Variants in CCDC102B observed in about 807,000 individuals in gnomAD.
CCDC102B encodes coiled-coil domain-containing protein 102B.
In CCDC102B, 75 loss-of-function variants were observed where a neutral mutation model predicts 57.4. The observed-to-expected ratio is 1.31, with a 90% CI of 1.08 to 1.58. The LOEUF is 1.58. Ranked by LOEUF, CCDC102B falls within the 40% of genes most tolerant of loss-of-function variation. CCDC102B has a pLI of 0.00. For synonymous variants in CCDC102B, 206 were observed against 201.9 expected (o/e 1.02, Z -0.17); for missense variants, 636 against 582.6 (o/e 1.09, Z -0.94).
At chr18:68,981,221 G>A (rs73467648) in intron 6 of CCDC102B, among the ~76,000 whole-genome samples, 10,025 of 152,004 alleles carry the variant, frequency 0.066, 579 homozygotes, top group African/African-American at 0.14. Context: ...GATATTCAAT[G>A]CCAAATATAA....
chr18:69,048,871 AGGAG>A (rs2052629681), intron 7 of CCDC102B, among the ~76,000 whole-genome samples: 1 of 152,056 alleles, frequency 6.6e-6, no homozygotes, highest in South Asian at 2.1e-4. Flanking sequence ...CTTTGTATAG[AGGAG>A]GATTGATATT....
chr18:68,989,016 C>T (rs2050796035), intron 6 of CCDC102B, among the ~76,000 whole-genome samples: 1 of 152,048 alleles, frequency 6.6e-6, no homozygotes, highest in South Asian at 2.1e-4. Context: ...TTTGCTGTTA[C>T]CTCCTCTCAT....
chr18:68,759,877 C>T (rs146813579), intron 2 of CCDC102B, among the ~76,000 whole-genome samples: 47 of 152,146 alleles, frequency 3.1e-4, no homozygotes, highest in African/African-American at 1.0e-3. Context: ...CCCCTCAGCC[C>T]TCACCCCTCT....
At chr18:69,051,063 C>T (rs1487897391) in intron 7 of CCDC102B, among the ~76,000 whole-genome samples, 1 of 151,958 alleles carries the variant, frequency 6.6e-6, no homozygotes, top group Non-Finnish European at 1.5e-5. Context: ...TTTATGTTTT[C>T]TTTAAGAAAT....
chr18:68,996,474 T>C (rs2145342729), intron 6 of CCDC102B, among the ~76,000 whole-genome samples: 1 of 152,320 alleles, frequency 6.6e-6, no homozygotes, highest in East Asian at 1.9e-4. Context: ...CTTGTGATCA[T>C]GTGAGTCAAT....
chr18:68,758,268 G>T (rs2034126009), intron 2 of CCDC102B, among the ~76,000 whole-genome samples: 1 of 150,900 alleles, frequency 6.6e-6, no homozygotes, highest in South Asian at 2.1e-4. Flanking sequence ...TGTATATAGA[G>T]GTATCACATA....
Position 68,755,239 on chromosome 18 carries a change from C to T in CCDC102B, c.-67+38645C>T, listed in dbSNP as rs539199421. Among the ~76,000 whole-genome samples the T allele has an allele frequency of 5.3e-5, 8 of 152,246 alleles. No homozygotes were observed. The East Asian group carries it at 9.7e-4, about 18-fold the overall frequency. On this transcript the variant is annotated intron_variant, in intron 2 of 3. Coordinates refer to the CCDC102B transcript ENST00000578970. ...ATGGGAGGATGTGCTCCCCAGAAAA[C>T]CTCTCCAAGTCTTTATTGTAGTCAC...
chr18:68,874,617 G>T, intron 4 of CCDC102B, 52 bp from the exon 5 acceptor site: 1 of 1,173,602 alleles, frequency 8.5e-7, no homozygotes, highest in Non-Finnish European at 1.3e-6. Flanking sequence ...GGATTATCCT[G>T]TAACCACCCT....
At chr18:68,855,032 T>C (rs1206925875) in intron 4 of CCDC102B, among the ~76,000 whole-genome samples, 1 of 152,228 alleles carries the variant, frequency 6.6e-6, no homozygotes, top group Non-Finnish European at 1.5e-5. Context: ...TTCAAGAATG[T>C]CATATGTGAC....
intron 6 of CCDC102B, among the ~76,000 whole-genome samples, chr18:68,912,996 A>C (rs1473255667): frequency 6.6e-6 from 1 of 152,136 alleles, no homozygotes; most frequent in Non-Finnish European, 1.5e-5. Context: ...GATGTAGCTT[A>C]TTGTACTCTT....
intron 6 of CCDC102B, among the ~76,000 whole-genome samples, chr18:68,999,360 G>C (rs544028152): frequency 1.2e-4 from 19 of 152,004 alleles, no homozygotes; most frequent in African/African-American, 4.1e-4. Flanking sequence ...ACTTTGGGAG[G>C]CTGAGGCGGA....
At chr18:68,977,146 A>G (rs1027795155) in intron 6 of CCDC102B, among the ~76,000 whole-genome samples, 10 of 151,956 alleles carry the variant, frequency 6.6e-5, no homozygotes, top group Non-Finnish European at 1.0e-4. Context: ...AAGAAATGCA[A>G]TTGGGTTGTA....
chr18:69,023,119 G>A (rs1295605901), intron 7 of CCDC102B, among the ~76,000 whole-genome samples: 1 of 152,138 alleles, frequency 6.6e-6, no homozygotes, highest in East Asian at 1.9e-4. Flanking sequence ...TGTGCACAAG[G>A]TATCATATAC....
intron 5 of CCDC102B, among the ~76,000 whole-genome samples, chr18:68,888,954 G>T (rs2039979933): frequency 6.6e-6 from 1 of 151,418 alleles, no homozygotes; most frequent in Non-Finnish European, 1.5e-5. Context: ...TATTATAATT[G>T]GTAGTTGCAA....
At chr18:68,933,100 A>G (rs1380514135) in intron 6 of CCDC102B, among the ~76,000 whole-genome samples, 1 of 151,452 alleles carries the variant, frequency 6.6e-6, no homozygotes, top group Non-Finnish European at 1.5e-5. Context: ...CTCCTCATAA[A>G]AAAAAAAATA....
At chr18:68,932,085 C>T (rs906571073) in intron 6 of CCDC102B, among the ~76,000 whole-genome samples, 1 of 151,684 alleles carries the variant, frequency 6.6e-6, no homozygotes, top group Admixed American at 6.6e-5. Flanking sequence ...TCTAACATGA[C>T]TTGTATATCC....
At position 68,911,548 on chromosome 18, in the gene CCDC102B, C is replaced by G. The variant is rs572799231; in HGVS notation, c.1263+14120C>G. Among the ~76,000 whole-genome samples, 261 of 150,504 alleles carry G rather than the reference C, an allele frequency of 1.7e-3. 2 individuals are homozygous for G. Among genetic ancestry groups the G allele is most frequent in the African/African-American group, 5.1e-3 (208 of 40,802 alleles). On this transcript the variant is annotated intron_variant, in intron 6 of 7. Coordinates refer to ENST00000360242, the MANE Select transcript of CCDC102B (RefSeq NM_024781.3). ...CGGGCGGATCACGAGGTCAGGAGATCGAGACCATCCTGGCTAACACGGTGA... is the reference window on the plus strand; with the variant it reads ...CGGGCGGATCACGAGGTCAGGAGATGGAGACCATCCTGGCTAACACGGTGA...
chr18:68,940,795 A>G (rs1037742141), intron 6 of CCDC102B, among the ~76,000 whole-genome samples: 4 of 151,898 alleles, frequency 2.6e-5, no homozygotes, highest in African/African-American at 9.7e-5. Context: ...ACAGAATGCA[A>G]TTTTATTACA....
chr18:68,855,026 A>G (rs1441996345), intron 4 of CCDC102B, among the ~76,000 whole-genome samples: 1 of 152,248 alleles, frequency 6.6e-6, no homozygotes, highest in African/African-American at 2.4e-5. Context: ...AAAGATTTCA[A>G]GAATGTCATA....
Sources: allele counts gnomAD v4.1 joint callset (sites outside exome capture counted in the v4.1 genomes callset), GRCh38; gene constraint gnomAD v4.1.1; transcripts MANE v1.5; gene names NCBI Gene and HGNC (gene_info 2026-07-23, HGNC 2026-07-21).